DPP10: variants seen among roughly 807,000 people sequenced by gnomAD.
The protein encoded by DPP10 is dipeptidyl peptidase like 10.
Under a neutral mutation model 120.9 loss-of-function variants are expected in DPP10, and 33 were observed. The ratio of observed to expected loss-of-function variants is 0.27; its 90% CI spans 0.21 to 0.37. The LOEUF is 0.37. Among genes scored for constraint, DPP10 ranks in the 10% least tolerant of loss-of-function variants. The pLI is 1.00. For synonymous variants in DPP10, 337 were observed against 326.1 expected, an observed-to-expected ratio of 1.03 and a Z score of -0.36; for missense variants, 816 against 942.8, an observed-to-expected ratio of 0.87 and a Z score of 1.76.
At chr2:114,877,139 T>C (rs1194544871) in intron 1 of DPP10, among the ~76,000 whole-genome samples, 1 of 152,118 alleles carries the variant, frequency 6.6e-6, no homozygotes, top group Non-Finnish European at 1.5e-5. Flanking sequence ...TGTATGTATA[T>C]GTATTTTGTT....
intron 1 of DPP10, among the ~76,000 whole-genome samples, chr2:114,735,663 G>A (rs1677357393): frequency 6.6e-6 from 1 of 152,098 alleles, no homozygotes; most frequent in Non-Finnish European, 1.5e-5. Flanking sequence ...TTGGCTCTTT[G>A]ATAATCTTTC....
chr2:115,530,116 G>C (rs1037109268), intron 5 of DPP10, among the ~76,000 whole-genome samples: 1 of 152,000 alleles, frequency 6.6e-6, no homozygotes, highest in Admixed American at 6.6e-5. Flanking sequence ...GGAGGTGAAA[G>C]AATGCTAGCA....
intron 1 of DPP10, among the ~76,000 whole-genome samples, chr2:114,854,015 C>A (rs549858072): frequency 6.6e-6 from 1 of 152,124 alleles, no homozygotes; most frequent in Non-Finnish European, 1.5e-5. Flanking sequence ...CTGGAAACTA[C>A]GTAAGATAAT....
intron 1 of DPP10, among the ~76,000 whole-genome samples, chr2:115,268,633 G>T (rs540694059): frequency 1.3e-5 from 2 of 152,280 alleles, no homozygotes; most frequent in East Asian, 3.9e-4. Flanking sequence ...AAAGATATTA[G>T]TAGAAAAATG....
chr2:115,482,201 A>G (rs1485954974), intron 3 of DPP10, among the ~76,000 whole-genome samples: 2 of 152,000 alleles, frequency 1.3e-5, no homozygotes, highest in Non-Finnish European at 2.9e-5. Flanking sequence ...ATAAAATCAT[A>G]TAGCATAAAA....
intron 5 of DPP10, among the ~76,000 whole-genome samples, chr2:115,566,847 C>T (rs1328249031): frequency 6.6e-6 from 1 of 152,162 alleles, no homozygotes; most frequent in African/African-American, 2.4e-5. Flanking sequence ...TCCATTAATT[C>T]ATAGGATATT....
intron 1 of DPP10, among the ~76,000 whole-genome samples, chr2:114,689,486 A>T (rs572013903): frequency 4.6e-5 from 7 of 152,122 alleles, no homozygotes; most frequent in African/African-American, 1.4e-4. Context: ...TCTATCATTG[A>T]TGGGCATTTA....
In DPP10 at chr2:115,309,235, G is replaced by A. The variant is rs747943527; in HGVS notation, c.61-4G>A. 37 of 1,609,496 alleles carry A rather than the reference G, an allele frequency of 2.3e-5. No homozygotes were observed. The South Asian group carries it at 2.8e-4, about 12-fold the overall frequency. Reference sequence around the variant, plus strand: ...TTACAAAACTTTTTTTTCTATCTCGGTAGGAACTGGGAAGTAACAGCCCTC... The same window carrying A: ...TTACAAAACTTTTTTTTCTATCTCGATAGGAACTGGGAAGTAACAGCCCTC... On this transcript the variant is annotated splice_polypyrimidine_tract_variant and splice_region_variant and intron_variant, in intron 1 of 25. Transcript: ENST00000410059.
In DPP10 at chr2:114,864,492, C is replaced by G. The variant is rs533641348; in HGVS notation, c.60+421654C>G. On this transcript the variant is annotated intron_variant, in intron 1 of 25. Transcript: ENST00000410059. ...CCTAGTCCCACAAGCTCTTACCAGCCCACTGAGAAGTGTGCTTGATCACAT... is the reference window on the plus strand; with the variant it reads ...CCTAGTCCCACAAGCTCTTACCAGCGCACTGAGAAGTGTGCTTGATCACAT... Among the ~76,000 whole-genome samples the G allele has an allele frequency of 7.9e-5, 12 of 152,256 alleles. No individual in the cohort carries two copies. In the East Asian group the frequency reaches 2.3e-3, roughly 29 times the overall value.
chr2:115,188,178 A>T (rs910155321), intron 1 of DPP10, among the ~76,000 whole-genome samples: 3 of 152,228 alleles, frequency 2.0e-5, no homozygotes, highest in Admixed American at 6.5e-5. Context: ...TGGAGGAAAC[A>T]TGAAATTCAG....
chr2:115,335,391 C>T (rs1218178400), intron 2 of DPP10, among the ~76,000 whole-genome samples: 1 of 151,806 alleles, frequency 6.6e-6, no homozygotes, highest in African/African-American at 2.4e-5. Flanking sequence ...AAAGAAGAAA[C>T]TGTTTTTCAT....
At chr2:114,512,997 A>G (rs139104762) in intron 1 of DPP10, among the ~76,000 whole-genome samples, 4 of 152,284 alleles carry the variant, frequency 2.6e-5, no homozygotes, top group East Asian at 1.9e-4. Flanking sequence ...AATACCTTTT[A>G]AAGTGAAGGA....
chr2:115,726,234 C>G (rs913401812), intron 7 of DPP10, among the ~76,000 whole-genome samples: 1 of 152,136 alleles, frequency 6.6e-6, no homozygotes, highest in African/African-American at 2.4e-5. Context: ...CTCTACCAGA[C>G]AAAACGTTGG....
chr2:114,585,272 T>G (rs952644117), intron 1 of DPP10, among the ~76,000 whole-genome samples: 5 of 152,170 alleles, frequency 3.3e-5, no homozygotes, highest in Non-Finnish European at 7.3e-5. Context: ...AGTTCCTTAC[T>G]GACTCTCAGC....
intron 3 of DPP10, among the ~76,000 whole-genome samples, chr2:115,363,216 C>T (rs557899111): frequency 3.7e-4 from 57 of 152,252 alleles, no homozygotes; most frequent in African/African-American, 1.3e-3. Flanking sequence ...CTACCATTAC[C>T]AGTAATGCTA....
chr2:114,944,632 T>C (rs190720991), intron 1 of DPP10, among the ~76,000 whole-genome samples: 1 of 152,308 alleles, frequency 6.6e-6, no homozygotes, highest in Non-Finnish European at 1.5e-5. Context: ...TTAAAGACTT[T>C]TCTGTTTCTA....
chr2:115,296,918 T>A (rs1317058779), intron 1 of DPP10, among the ~76,000 whole-genome samples: 2 of 152,060 alleles, frequency 1.3e-5, no homozygotes, highest in Non-Finnish European at 2.9e-5. Flanking sequence ...TTTACAGATG[T>A]TCTAAAACTG....
At chr2:115,774,060 A>T (rs1259668594) in intron 13 of DPP10, among the ~76,000 whole-genome samples, 2 of 152,114 alleles carry the variant, frequency 1.3e-5, no homozygotes, top group Non-Finnish European at 2.9e-5. Context: ...TTGGTCCTAC[A>T]CTTGAAAGTG....
intron 1 of DPP10, among the ~76,000 whole-genome samples, chr2:114,979,921 A>G (rs2104846973): frequency 6.6e-6 from 1 of 152,228 alleles, no homozygotes; most frequent in African/African-American, 2.4e-5. Flanking sequence ...GTCGGTTGGT[A>G]TCTTCCTAAG....
Sources: gnomAD v4.1 joint callset for allele counts (sites outside exome capture counted in the v4.1 genomes callset) on GRCh38, gnomAD v4.1.1 for gene constraint, MANE v1.5 for transcripts, NCBI Gene and HGNC (gene_info 2026-07-23, HGNC 2026-07-21) for gene names.